TMPRSS4: variants seen among roughly 807,000 people sequenced by gnomAD.
TMPRSS4 encodes transmembrane serine protease 4.
In TMPRSS4, 45 loss-of-function variants were observed where a neutral mutation model predicts 56.4. The ratio of observed to expected loss-of-function variants is 0.80; its 90% CI spans 0.63 to 1.02. The LOEUF is 1.02. TMPRSS4 is among the 50% of genes least tolerant of loss of function. The probability of loss-of-function intolerance (pLI) is 0.00; values close to 1 mark genes in which losing one functional copy is unlikely to be tolerated. For synonymous variants in TMPRSS4, 205 were observed against 211.0 expected, an observed-to-expected ratio of 0.97 and a Z score of 0.25; for missense variants, 546 against 556.7, an observed-to-expected ratio of 0.98 and a Z score of 0.19.
intron 11 of TMPRSS4, chr11:118,115,673 A>C (rs548664604): frequency 1.4e-3 from 233 of 170,594 alleles, no homozygotes; most frequent in Non-Finnish European, 2.0e-3. Flanking sequence ...GAATACAAAA[A>C]TTAGCTGGGC....
intron 12 of TMPRSS4, 154 bp downstream of exon 12, chr11:118,117,608 A>G (rs1215971415): frequency 5.1e-6 from 5 of 975,328 alleles, no homozygotes; most frequent in Non-Finnish European, 6.1e-6. Flanking sequence ...AGATTGCACT[A>G]TTAAGGCTGA....
At chr11:118,080,069 T>C (rs1945006301) in intron 1 of TMPRSS4, among the ~76,000 whole-genome samples, 1 of 152,058 alleles carries the variant, frequency 6.6e-6, no homozygotes, top group African/African-American at 2.4e-5. Context: ...TTGGCCAGCC[T>C]CTAAATGGGG....
chr11:118,088,635 G>A (rs953703527), intron 1 of TMPRSS4, among the ~76,000 whole-genome samples: 6 of 152,188 alleles, frequency 3.9e-5, no homozygotes, highest in African/African-American at 7.2e-5. Context: ...AGGGCTCTGC[G>A]GCAGACTGAA....
chr11:118,090,647 G>A (rs925693228), intron 1 of TMPRSS4, among the ~76,000 whole-genome samples: 2 of 151,390 alleles, frequency 1.3e-5, no homozygotes, highest in South Asian at 2.1e-4. Context: ...GCGTGATGGT[G>A]CATGCCTGTA....
intron 8 of TMPRSS4, among the ~76,000 whole-genome samples, chr11:118,112,779 G>A: frequency 6.7e-6 from 1 of 149,826 alleles, no homozygotes; most frequent in Non-Finnish European, 1.5e-5. Context: ...AGACCCCACC[G>A]CTGTCTTCAA....
chr11:118,114,915 A>G lies in TMPRSS4; in HGVS notation c.997A>G (p.Lys333Glu), dbSNP rs1453216465. 1 of 1,602,672 alleles carries G rather than the reference A, an allele frequency of 6.2e-7. No individual in the cohort carries two copies. The highest frequency in any genetic ancestry group is 8.5e-7 in the Non-Finnish European group (1 of 1,174,364). ...PLWIIGWGFT[K>E]QNGGKMSDIL... ...CTGGATCATTGGATGGGGCTTTACG[A>G]AGCAGAATGGAGGTAAGTCCTGGGT... The change falls in exon 10 of 13, where the codon AAG becomes GAG. Residue 333 changes from lysine (K) to glutamate (E), a missense_variant. Lys to Glu is a moderately conservative substitution (Grantham distance 56, BLOSUM62 1). Coordinates refer to ENST00000437212, the MANE Select transcript of TMPRSS4 (RefSeq NM_019894.4).
At chr11:118,103,761 T>C (rs1029054251) in intron 4 of TMPRSS4, among the ~76,000 whole-genome samples, 2 of 152,182 alleles carry the variant, frequency 1.3e-5, no homozygotes, top group African/African-American at 2.4e-5. Context: ...CAGTAACTAT[T>C]TGATGACCAA....
rs531628565 is a variant in TMPRSS4, at chr11:118,119,978, T to G, written c.*2065T>G. 1 of 152,280 alleles carries G rather than the reference T, an allele frequency of 6.6e-6. No individual in the cohort carries two copies. Among genetic ancestry groups the G allele is most frequent in the African/African-American group, 2.4e-5 (1 of 41,542 alleles). 9.4% of individuals were successfully genotyped at this position (152,280 alleles called of 1,614,324 possible). ...CACCATCCATCTCCAGAACAGAAAC[T>G]CAGTACCCATCAAACAACTCTCCAT... is the stretch of plus-strand genomic sequence containing the variant. On this transcript the variant is annotated 3_prime_UTR_variant, in exon 13 of 13. Transcript: ENST00000437212.
rs642215 is a variant in TMPRSS4 at position 118,117,367 on chromosome 11, T to C, written c.1215T>C (p.Ser405=). 1,431,628 of 1,613,958 alleles carry C rather than the reference T, an allele frequency of 0.89. 640,467 individuals carry two copies. The highest frequency in any genetic ancestry group is 0.91 in the Non-Finnish European group (1,078,232 of 1,179,958). ...AGTGGCATGTGGTGGGCATCGTTAGTTGGGGCTATGGCTGCGGGGGCCCGA... is the reference window on the plus strand; with the variant it reads ...AGTGGCATGTGGTGGGCATCGTTAGCTGGGGCTATGGCTGCGGGGGCCCGA... ...SDQWHVVGIV[S]WGYGCGGPST... Residue 405 remains serine (S), a synonymous_variant, in exon 12 of 13, where the codon AGT becomes AGC. Transcript: ENST00000437212.
At chr11:118,123,437 A>G (rs1173944484), downstream of TMPRSS4, among the ~76,000 whole-genome samples, 1 of 152,208 alleles carries the variant, frequency 6.6e-6, no homozygotes, top group Non-Finnish European at 1.5e-5. Context: ...AAATGACACC[A>G]CTAAAAGACA....
At chr11:118,083,508 T>A (rs985406155) in intron 1 of TMPRSS4, among the ~76,000 whole-genome samples, 2 of 152,190 alleles carry the variant, frequency 1.3e-5, no homozygotes, top group African/African-American at 4.8e-5. Flanking sequence ...TCCTATTACA[T>A]ACATGACAGG....
In TMPRSS4 at chr11:118,103,065, C is replaced by T. The variant is rs201336675; in HGVS notation, c.158-36C>T. The T allele has an allele frequency of 1.9e-4, 314 of 1,611,310 alleles. 2 individuals carry two copies. The African/African-American group carries it at 3.8e-3, about 20-fold the overall frequency. On this transcript the variant is annotated intron_variant, in intron 3 of 12. Coordinates refer to ENST00000437212, the MANE Select transcript of TMPRSS4 (RefSeq NM_019894.4). ...CGTCTCCCTGCTCAAGCCTGACCCTCAGCCCTCTCTGCCTCTCCCTGCACT... is the reference window on the plus strand; with the variant it reads ...CGTCTCCCTGCTCAAGCCTGACCCTTAGCCCTCTCTGCCTCTCCCTGCACT...
intron 6 of TMPRSS4, 137 bp from the exon 7 acceptor site, chr11:118,108,719 A>G: frequency 1.3e-6 from 1 of 779,058 alleles, no homozygotes; most frequent in Non-Finnish European, 2.1e-6. Flanking sequence ...GCAGTCTCCA[A>G]ATGTTCCCCA....
chr11:118,109,956 A>G (rs1430564744), intron 7 of TMPRSS4, among the ~76,000 whole-genome samples: 1 of 152,238 alleles, frequency 6.6e-6, no homozygotes, highest in African/African-American at 2.4e-5. Flanking sequence ...TTGAAGCAGC[A>G]TAAGTGACAG....
Position 118,115,251 on chromosome 11 carries a change from A to G in TMPRSS4, c.1123A>G (p.Ile375Val), listed in dbSNP as rs1947487112. 1.2e-6 allele frequency: 2 copies of G among 1,612,794 alleles called. No homozygotes were observed. The highest frequency in any genetic ancestry group is 1.3e-5 in the African/African-American group (1 of 74,914). ...EVTEKMMCAG[I>V]PEGGVDTCQG... ...CACCGAGAAGATGATGTGTGCAGGC[A>G]TCCCGGAAGGGGGTGTGGACACCTG... Residue 375 changes from isoleucine to valine, a missense_variant, in exon 11 of 13, where the codon ATC (isoleucine) becomes GTC (valine). Transcript: ENST00000437212.
chr11:118,095,616 C>T (rs140695490), intron 2 of TMPRSS4, among the ~76,000 whole-genome samples: 7 of 152,258 alleles, frequency 4.6e-5, no homozygotes, highest in South Asian at 2.1e-4. Context: ...CCAACTGCTC[C>T]GCCACCTGAG....
chr11:118,099,898 A>G (rs1490044354), intron 3 of TMPRSS4, among the ~76,000 whole-genome samples: 1 of 152,118 alleles, frequency 6.6e-6, no homozygotes, highest in African/African-American at 2.4e-5. Flanking sequence ...TCAGGCCCTT[A>G]TCTGTGATAA....
At chr11:118,079,484 G>A (rs73010757) in intron 1 of TMPRSS4, among the ~76,000 whole-genome samples, 37,839 of 152,128 alleles carry the variant, frequency 0.25, 4,740 homozygotes, top group South Asian at 0.29. Context: ...CCCTGTCCCC[G>A]AAGGAAATGT....
chr11:118,094,941 C>T, intron 2 of TMPRSS4, 86 bp downstream of exon 2: 2 of 1,404,150 alleles, frequency 1.4e-6, no homozygotes, highest in Non-Finnish European at 2.0e-6. Flanking sequence ...GCGCCTGGCC[C>T]TCACCACCAC....
Sources: allele counts gnomAD v4.1 joint callset (sites outside exome capture counted in the v4.1 genomes callset), GRCh38; gene constraint gnomAD v4.1.1; transcripts MANE v1.5; gene names NCBI Gene and HGNC (gene_info 2026-07-23, HGNC 2026-07-21).